The following GRK5 variants were observed in gnomAD, a reference collection of about 807,000 sequenced individuals.
The protein encoded by GRK5 is G protein-coupled receptor kinase 5.
Under a neutral mutation model 78.4 loss-of-function variants are expected in GRK5, and 40 were observed. That is an observed-to-expected ratio of 0.51 (90% CI 0.40 to 0.66). The LOEUF (loss-of-function observed/expected upper bound fraction) is 0.66, where lower values mean the gene tolerates loss of function less well. Among genes scored for constraint, GRK5 ranks in the 30% least tolerant of loss-of-function variants. GRK5 has a pLI of 0.00. For synonymous variants in GRK5, 289 were observed against 296.8 expected (o/e 0.97, Z 0.27); for missense variants, 598 against 759.9 (o/e 0.79, Z 2.50).
At chr10:119,423,118 C>G in intron 4 of GRK5, 48 bp from the exon 5 acceptor site, 1 of 1,330,656 alleles carries the variant, frequency 7.5e-7, no homozygotes, top group Non-Finnish European at 1.1e-6. Flanking sequence ...CCCGGCCGCA[C>G]TGCTGCTGGC....
rs539126009 is a variant in GRK5, at chr10:119,241,625, C to G, written c.52+33656C>G. Among the ~76,000 whole-genome samples the G allele has an allele frequency of 5.9e-5, 9 of 152,258 alleles. No individual in the cohort carries two copies. In the South Asian group the frequency reaches 1.7e-3, roughly 28 times the overall value. On this transcript the variant is annotated intron_variant, in intron 1 of 15. Coordinates refer to ENST00000392870, the MANE Select transcript of GRK5 (RefSeq NM_005308.3). ...GATGTTCATTCATTCACCCAGTGAG[C>G]CTTTCACTGTGCCCAGGCCCTGAGA...
intron 1 of GRK5, among the ~76,000 whole-genome samples, chr10:119,261,357 C>T (rs529576545): frequency 0.059 from 8,746 of 147,092 alleles, 321 homozygotes; most frequent in Non-Finnish European, 0.092. Flanking sequence ...CGGGAAGAGG[C>T]GCTCCTCACT....
intron 1 of GRK5, among the ~76,000 whole-genome samples, chr10:119,321,141 T>C (rs1482255734): frequency 6.6e-6 from 1 of 152,232 alleles, no homozygotes; most frequent in Non-Finnish European, 1.5e-5. Flanking sequence ...AAGTGAAACC[T>C]TCTCCCAGCC....
chr10:119,302,032 C>T (rs960244101), intron 1 of GRK5, among the ~76,000 whole-genome samples: 2 of 152,164 alleles, frequency 1.3e-5, no homozygotes, highest in South Asian at 2.1e-4. Flanking sequence ...AATGAAGGAA[C>T]GCTGCATTTC....
At chr10:119,325,835 A>G (rs1033359784) in intron 1 of GRK5, among the ~76,000 whole-genome samples, 2 of 152,222 alleles carry the variant, frequency 1.3e-5, no homozygotes, top group African/African-American at 2.4e-5. Flanking sequence ...GTGACTGTTC[A>G]TTACATGTGT....
rs1853120801 is a variant in GRK5, at chr10:119,445,280, A to C, written c.1266+1528A>C. 6.6e-6 allele frequency among the ~76,000 whole-genome samples: 1 copy of C among 152,148 alleles called. No homozygotes were observed. Among genetic ancestry groups the C allele is most frequent in the Non-Finnish European group, 1.5e-5 (1 of 68,016 alleles). Reference sequence around the variant, plus strand: ...CAGGTGCGACAAAACGAGACAAGGGAAAGAAGAAGGGGTCAGACAGCCGTG... The same window carrying C: ...CAGGTGCGACAAAACGAGACAAGGGCAAGAAGAAGGGGTCAGACAGCCGTG... On this transcript the variant is annotated intron_variant, in intron 12 of 15. Coordinates refer to ENST00000392870, the MANE Select transcript of GRK5 (RefSeq NM_005308.3). The surrounding 1 kb of genome is among the most constrained non-coding windows in gnomAD (Gnocchi z 4.1).
At chr10:119,386,841 C>G (rs974226541) in intron 3 of GRK5, among the ~76,000 whole-genome samples, 5 of 152,172 alleles carry the variant, frequency 3.3e-5, no homozygotes, top group Admixed American at 3.3e-4. Context: ...GTGGCGGGGT[C>G]CTTGGTGTTG....
At chr10:119,283,457 C>T (rs1849795421) in intron 1 of GRK5, among the ~76,000 whole-genome samples, 6 of 152,220 alleles carry the variant, frequency 3.9e-5, no homozygotes, top group Admixed American at 3.9e-4. Context: ...GAAATGAGGA[C>T]ATAGGAGTGA....
chr10:119,317,167 T>A (rs576980950), intron 1 of GRK5, among the ~76,000 whole-genome samples: 1 of 152,334 alleles, frequency 6.6e-6, no homozygotes, highest in African/African-American at 2.4e-5. Context: ...GCCAGGAGTC[T>A]GCCCCAGAGG....
intron 1 of GRK5, among the ~76,000 whole-genome samples, chr10:119,277,545 G>A (rs150242746): frequency 9.7e-4 from 147 of 152,232 alleles, no homozygotes; most frequent in Non-Finnish European, 1.6e-3. Flanking sequence ...CCAGGAATCC[G>A]TACTCTTTCA....
At position 119,455,023 on chromosome 10, in the gene GRK5, A is replaced by G. The variant is rs138518818; in HGVS notation, c.1729A>G (p.Ile577Val). The G allele has an allele frequency of 7.3e-5, 118 of 1,614,156 alleles. No homozygotes were observed. In the African/African-American group the frequency reaches 1.3e-3, roughly 18 times the overall value. ...PSSKTSFNHH[I>V]NSNHVSSNST... Reference sequence around the variant, plus strand: ...CTCCAAGACCAGTTTTAACCACCACATAAACTCAAACCATGTCAGCTCGAA... The same window carrying G: ...CTCCAAGACCAGTTTTAACCACCACGTAAACTCAAACCATGTCAGCTCGAA... Residue 577 changes from isoleucine to valine, a missense_variant, in exon 16 of 16, where the codon ATA becomes GTA. Physicochemically the swap from Ile to Val is conservative, Grantham distance 29. Transcript: ENST00000392870.
Position 119,439,750 on chromosome 10 carries a change from A to G in GRK5, c.949A>G (p.Ile317Val), listed in dbSNP as rs755778274. 1 of 1,614,092 alleles carries G rather than the reference A, an allele frequency of 6.2e-7. No homozygotes were observed. Among genetic ancestry groups the G allele is most frequent in the Non-Finnish European group, 8.5e-7 (1 of 1,179,988 alleles). The change falls in exon 10 of 16, where the codon ATC (isoleucine) becomes GTC (valine). Residue 317 changes from isoleucine (I) to valine (V), a missense_variant. Coordinates refer to ENST00000392870, the MANE Select transcript of GRK5 (RefSeq NM_005308.3). ...TTTCAGAGATCTGAAACCTGAAAAC[A>G]TCCTGTTAGATGATTATGGTAAGTC... Reference protein sequence around the residue: ...TVYRDLKPENILLDDYGHIRI... With the variant: ...TVYRDLKPENVLLDDYGHIRI...
At chr10:119,338,950 T>C (rs1416484291) in intron 2 of GRK5, among the ~76,000 whole-genome samples, 1 of 152,258 alleles carries the variant, frequency 6.6e-6, no homozygotes, top group African/African-American at 2.4e-5. Context: ...TTGTACTTCA[T>C]TGTGACATTT....
chr10:119,242,894 CCCTT>C (rs1388276731), intron 1 of GRK5, among the ~76,000 whole-genome samples: 3 of 152,170 alleles, frequency 2.0e-5, no homozygotes, highest in Admixed American at 2.0e-4. Context: ...CAATTAAACC[CCCTT>C]CCTTTATAAA....
intron 4 of GRK5, among the ~76,000 whole-genome samples, chr10:119,401,868 A>G (rs1403954813): frequency 3.9e-5 from 6 of 152,224 alleles, no homozygotes; most frequent in Non-Finnish European, 5.9e-5. Flanking sequence ...ACTAGCTGCC[A>G]CAACAAACAA....
intron 3 of GRK5, among the ~76,000 whole-genome samples, chr10:119,389,427 G>A (rs1443181827): frequency 6.6e-6 from 1 of 152,214 alleles, no homozygotes; most frequent in African/African-American, 2.4e-5. Flanking sequence ...TGCACATAGA[G>A]ACAGTCAGAA....
At chr10:119,446,543 G>T (rs1853152221) in intron 12 of GRK5, among the ~76,000 whole-genome samples, 2 of 148,920 alleles carry the variant, frequency 1.3e-5, no homozygotes, top group Admixed American at 6.9e-5. Flanking sequence ...AAGGAGACTT[G>T]CCTCTGAGGG....
intron 3 of GRK5, among the ~76,000 whole-genome samples, chr10:119,388,098 G>A (rs528211706): frequency 1.4e-4 from 21 of 152,124 alleles, no homozygotes; most frequent in South Asian, 1.0e-3. Flanking sequence ...GACTACAGGC[G>A]CAGGCCACCA....
Position 119,427,732 on chromosome 10 carries a change from G to A in GRK5, c.534-2643G>A, listed in dbSNP as rs1297706501. ...CACCATCATTAGTATCACCACCATCGTCAACATCACTGCCATCATCAGTAT... is the reference window on the plus strand; with the variant it reads ...CACCATCATTAGTATCACCACCATCATCAACATCACTGCCATCATCAGTAT... On this transcript the variant is annotated intron_variant, in intron 6 of 15. Transcript: ENST00000392870. 8.2e-5 allele frequency among the ~76,000 whole-genome samples: 9 copies of A among 109,866 alleles called. 1 individual carries two copies. Among genetic ancestry groups the A allele is most frequent in the Admixed American group, 3.0e-4 (3 of 9,960 alleles). The allele number at this position is 109,866 out of a possible 152,430, so 72.1% of individuals were successfully genotyped here.
Sources: allele counts gnomAD v4.1 joint callset (sites outside exome capture counted in the v4.1 genomes callset), GRCh38; gene constraint gnomAD v4.1.1; non-coding constraint Gnocchi (gnomAD v3.1); transcripts MANE v1.5; gene names NCBI Gene and HGNC (gene_info 2026-07-23, HGNC 2026-07-21).